Variants in USP4 observed in about 807,000 individuals in gnomAD.
The protein encoded by USP4 is ubiquitin carboxyl-terminal hydrolase 4.
A neutral mutation model predicts 118.2 loss-of-function variants in USP4; 72 were observed. The observed-to-expected ratio is 0.61, with a 90% CI of 0.50 to 0.74. USP4 has a LOEUF of 0.74. USP4 is among the 30% of genes least tolerant of loss of function. The probability of loss-of-function intolerance (pLI) is 0.00; values close to 1 mark genes in which losing one functional copy is unlikely to be tolerated. For synonymous variants in USP4, 415 were observed against 440.4 expected, an observed-to-expected ratio of 0.94 and a Z score of 0.72; for missense variants, 1,037 against 1,185.7, an observed-to-expected ratio of 0.87 and a Z score of 1.84.
At chr3:49,315,734 C>CAG (rs1204832801) in intron 6 of USP4, among the ~76,000 whole-genome samples, 2 of 152,162 alleles carry the variant, frequency 1.3e-5, no homozygotes, top group Non-Finnish European at 2.9e-5. Flanking sequence ...AATTACAACT[C>CAG]AAACGTGTGC....
chr3:49,293,447 G>A (rs1173455066), intron 14 of USP4: 4 of 154,418 alleles, frequency 2.6e-5, no homozygotes, highest in African/African-American at 7.2e-5. Context: ...GGGCAACAGA[G>A]TGAAACTCCA....
intron 6 of USP4, chr3:49,313,975 G>T: frequency 6.6e-6 from 1 of 152,166 alleles, no homozygotes; most frequent in South Asian, 2.1e-4. Context: ...CCAAAGGGCT[G>T]GGATTACATA....
Position 49,284,563 on chromosome 3 carries a change from T to C in USP4, c.2293A>G (p.Met765Val), listed in dbSNP as rs1021259970. 6.2e-7 allele frequency: 1 copy of C among 1,614,122 alleles called. No homozygotes were observed. The highest frequency in any genetic ancestry group is 2.2e-5 in the East Asian group (1 of 44,884). The change falls in exon 18 of 22, where the codon ATG (methionine) becomes GTG (valine). Residue 765 changes from methionine to valine, a missense_variant. Around this residue, in one of 3 missense-constraint regions of USP4, gnomAD observed 522 missense variants for 592.6 expected, o/e 0.88. Coordinates refer to ENST00000265560, the MANE Select transcript of USP4 (RefSeq NM_003363.4). ...TTCTTCTTCTTCTGAGGCTGCAACA[T>C]GCTCACATGCTTCTCGTAGGCCTAT... ...ESEAYEKHVS[M>V]LQPQKKKKTT...
At chr3:49,286,009 G>T in intron 16 of USP4, 89 bp downstream of exon 16, 1 of 1,257,772 alleles carries the variant, frequency 8.0e-7, no homozygotes, top group Non-Finnish European at 1.1e-6. Flanking sequence ...GACTGTGAAA[G>T]CCCAATGCAG....
intron 12 of USP4, 49 bp downstream of exon 12, chr3:49,298,503 C>T (rs376340977): frequency 2.2e-5 from 34 of 1,576,362 alleles, no homozygotes; most frequent in Admixed American, 8.4e-5. Context: ...ACTCCAAATG[C>T]TATGAAGTAT....
intron 6 of USP4, among the ~76,000 whole-genome samples, chr3:49,321,212 C>T (rs1186299708): frequency 1.3e-5 from 2 of 152,180 alleles, no homozygotes; most frequent in South Asian, 4.1e-4. Flanking sequence ...TCCTAACTGA[C>T]GTAGTATGTT....
chr3:49,295,714 G>GCGCGCGCACACACACA (rs149459963), intron 13 of USP4, among the ~76,000 whole-genome samples: 6 of 148,320 alleles, frequency 4.0e-5, no homozygotes, highest in African/African-American at 1.6e-4. Context: ...GCGCGCGCGC[G>GCGCGCGCACACACACA]CACACACACA....
Position 49,305,877 on chromosome 3 carries a change from G to A in USP4, c.966C>T (p.Asn322=). 6.2e-7 allele frequency: 1 copy of A among 1,613,206 alleles called. No individual in the cohort carries two copies. The highest frequency in any genetic ancestry group is 8.5e-7 in the Non-Finnish European group (1 of 1,179,624). Residue 322 remains asparagine, a synonymous_variant, in exon 9 of 22, where the codon AAC becomes AAT. Coordinates refer to ENST00000265560, the MANE Select transcript of USP4 (RefSeq NM_003363.4). The part of the protein sequence containing the change: ...FMNSALQCLS[N]TAPLTDYFLK... ...GAAAGTAGTCAGTCAGTGGTGCAGT[G>A]TTGCTCAAACACTGAAACAGAACAT...
intron 15 of USP4, among the ~76,000 whole-genome samples, chr3:49,288,864 C>T (rs1281025142): frequency 6.6e-6 from 1 of 152,116 alleles, no homozygotes; most frequent in Admixed American, 6.6e-5. Flanking sequence ...GATCCCAGCA[C>T]GTTGGGAGGT....
chr3:49,319,281 C>T (rs2047474347), intron 6 of USP4, among the ~76,000 whole-genome samples: 1 of 152,136 alleles, frequency 6.6e-6, no homozygotes, highest in Non-Finnish European at 1.5e-5. Context: ...CGGAGTCTTG[C>T]TCTGTTGCCC....
chr3:49,286,932 C>T (rs186582629), intron 15 of USP4, among the ~76,000 whole-genome samples: 1 of 152,212 alleles, frequency 6.6e-6, no homozygotes, highest in East Asian at 1.9e-4. Flanking sequence ...TCACTGCAAC[C>T]TTCACCTCCC....
At chr3:49,297,048 G>A (rs1234796893) in intron 13 of USP4, among the ~76,000 whole-genome samples, 1 of 152,162 alleles carries the variant, frequency 6.6e-6, no homozygotes, top group Non-Finnish European at 1.5e-5. Context: ...AAAATGTAAA[G>A]GGAAGGAACT....
At chr3:49,294,301 A>G (rs1038416113) in intron 14 of USP4, 106 bp downstream of exon 14, 1 of 1,244,740 alleles carries the variant, frequency 8.0e-7, no homozygotes, top group African/African-American at 1.5e-5. Context: ...TTTCTTACAG[A>G]GGTGAGCATG....
intron 8 of USP4, among the ~76,000 whole-genome samples, chr3:49,309,220 G>A (rs2047354856): frequency 6.6e-6 from 1 of 151,866 alleles, no homozygotes. Flanking sequence ...TAAATTCCGT[G>A]ACTCCTTCTA....
intron 6 of USP4, chr3:49,312,376 C>A (rs1217350627): frequency 1.7e-5 from 7 of 411,886 alleles, no homozygotes; most frequent in Non-Finnish European, 3.4e-5. Flanking sequence ...GTCATCCCAG[C>A]CACTCGGGAG....
intron 13 of USP4, among the ~76,000 whole-genome samples, chr3:49,295,738 C>A (rs2334956): frequency 0.16 from 23,321 of 150,112 alleles, 1,912 homozygotes; most frequent in African/African-American, 0.18. Flanking sequence ...ACACACACCC[C>A]CCCCTCCCCA....
intron 3 of USP4, among the ~76,000 whole-genome samples, chr3:49,326,316 C>A (rs1332977957): frequency 3.3e-5 from 5 of 151,870 alleles, no homozygotes; most frequent in Non-Finnish European, 7.4e-5. Context: ...GACTCTGTAC[C>A]CCGCAAAAAA....
intron 15 of USP4, 137 bp from the exon 16 acceptor site, chr3:49,286,462 T>G: frequency 1.2e-6 from 1 of 860,916 alleles, no homozygotes; most frequent in Non-Finnish European, 1.8e-6. Context: ...TCCTTTGCAT[T>G]TAACTTGAAT....
intron 6 of USP4, among the ~76,000 whole-genome samples, chr3:49,321,642 C>T (rs2047503734): frequency 6.6e-6 from 1 of 152,036 alleles, no homozygotes; most frequent in African/African-American, 2.4e-5. Context: ...TAATTTTCTT[C>T]TATTTTTTAA....
Sources: allele counts gnomAD v4.1 joint callset (sites outside exome capture counted in the v4.1 genomes callset), GRCh38; gene constraint gnomAD v4.1.1; regional missense constraint gnomAD v4.1.1; transcripts MANE v1.5; gene names NCBI Gene and HGNC (gene_info 2026-07-23, HGNC 2026-07-21).